ZYG11B: variants seen among roughly 807,000 people sequenced by gnomAD.
ZYG11B encodes zyg-11 family member B, cell cycle regulator.
Under a neutral mutation model 82.4 loss-of-function variants are expected in ZYG11B, and 36 were observed. The ratio of observed to expected loss-of-function variants is 0.44; its 90% CI spans 0.33 to 0.58. The LOEUF is 0.58. Ranked by LOEUF, ZYG11B falls within the 20% of genes least tolerant of loss-of-function variation. The pLI is 0.02. For missense variants in ZYG11B, 552 were observed against 895.6 expected (o/e 0.62, Z 4.90); for synonymous variants, 303 against 312.8 (o/e 0.97, Z 0.33).
chr1:52,785,120 G>C, intron 5 of ZYG11B, 67 bp downstream of exon 5: 1 of 1,510,776 alleles, frequency 6.6e-7, no homozygotes, highest in Non-Finnish European at 8.9e-7. Context: ...CTACAGTTCA[G>C]TTTAATAGAC....
intron 13 of ZYG11B, among the ~76,000 whole-genome samples, chr1:52,817,809 ATATATATTTTTTTTTTTTTTTTTTTTTTT>A (rs1645246621): frequency 1.0e-4 from 4 of 38,172 alleles, no homozygotes; most frequent in Admixed American, 4.0e-4. Context: ...ATATATATAT[ATATATATTTTTTTTTTTTTTTTTTTTTTT>A]TTTTTTTTTT....
intron 8 of ZYG11B, among the ~76,000 whole-genome samples, chr1:52,797,330 T>A (rs1201475109): frequency 1.2e-5 from 1 of 83,934 alleles, no homozygotes; most frequent in Non-Finnish European, 2.0e-5. Context: ...ATATATATAT[T>A]ATATATTTAT....
At chr1:52,749,606 A>G (rs1021227508) in intron 1 of ZYG11B, among the ~76,000 whole-genome samples, 1 of 151,824 alleles carries the variant, frequency 6.6e-6, no homozygotes, top group Non-Finnish European at 1.5e-5. Context: ...ATTTTTTTTT[A>G]TTTTTTATTT....
chr1:52,732,240 A>G (rs1394777429), intron 1 of ZYG11B, among the ~76,000 whole-genome samples: 3 of 152,236 alleles, frequency 2.0e-5, no homozygotes, highest in Non-Finnish European at 4.4e-5. Flanking sequence ...TTCCAAGCTT[A>G]TGCTTTTGAA....
intron 1 of ZYG11B, among the ~76,000 whole-genome samples, chr1:52,753,983 G>A (rs142363329): frequency 3.3e-5 from 5 of 150,950 alleles, no homozygotes; most frequent in South Asian, 2.1e-4. Context: ...TGTCTGCCTC[G>A]GCCTCCCAAG....
intron 1 of ZYG11B, among the ~76,000 whole-genome samples, chr1:52,730,759 C>G (rs577581203): frequency 1.1e-4 from 16 of 151,518 alleles, no homozygotes; most frequent in East Asian, 1.9e-4. Context: ...GTGGGAGGCT[C>G]ACTTGAGCCC....
In ZYG11B at chr1:52,826,481, G is replaced by A. The variant is rs544405351; in HGVS notation, c.*4852G>A. 2 of 152,180 alleles carry A rather than the reference G, an allele frequency of 1.3e-5. No individual in the cohort carries two copies. Among genetic ancestry groups the A allele is most frequent in the African/African-American group, 4.8e-5 (2 of 41,452 alleles). 9.4% of individuals were successfully genotyped at this position (152,180 alleles called of 1,614,324 possible). On this transcript the variant is annotated 3_prime_UTR_variant, in exon 14 of 14. Transcript: ENST00000294353. ...AGAATTTGCTCATCGTGCTTTAAATGATTAACTGTTTTACCTTATTTAGTA... is the reference window on the plus strand; with the variant it reads ...AGAATTTGCTCATCGTGCTTTAAATAATTAACTGTTTTACCTTATTTAGTA...
intron 1 of ZYG11B, among the ~76,000 whole-genome samples, chr1:52,742,687 AAAAAAT>A (rs1408767080): frequency 6.6e-6 from 1 of 151,758 alleles, no homozygotes; most frequent in Non-Finnish European, 1.5e-5. Context: ...CTAAAAATAC[AAAAAAT>A]TAGCCGGGCG....
chr1:52,800,113 TA>T lies in ZYG11B; in HGVS notation c.1486-1693del, dbSNP rs1160751586. Among the ~76,000 whole-genome samples the T allele has an allele frequency of 3.1e-3, 442 of 142,664 alleles. 3 individuals carry two copies. The highest frequency in any genetic ancestry group is 7.1e-3 in the African/African-American group (276 of 39,126). 93.6% of individuals were successfully genotyped at this position (142,664 alleles called of 152,430 possible). On this transcript the variant is annotated intron_variant, in intron 8 of 13. Transcript: ENST00000294353. ...CAACATAGCAAGATTCTGGCTCTAATAAAAAAAAAAAAATTAGCTGGGCTTG... is the reference window on the plus strand; with the variant it reads ...CAACATAGCAAGATTCTGGCTCTAATAAAAAAAAAAAATTAGCTGGGCTTG...
chr1:52,810,902 G>T (rs944491863), intron 10 of ZYG11B, among the ~76,000 whole-genome samples: 1 of 151,980 alleles, frequency 6.6e-6, no homozygotes, highest in African/African-American at 2.4e-5. Flanking sequence ...GGCCATGGTG[G>T]TGGCTGCCTG....
intron 1 of ZYG11B, among the ~76,000 whole-genome samples, chr1:52,749,240 A>G (rs1644501848): frequency 6.6e-6 from 1 of 152,086 alleles, no homozygotes; most frequent in Non-Finnish European, 1.5e-5. Flanking sequence ...AAAAAGAAAG[A>G]TGAGTGAGAT....
intron 3 of ZYG11B, among the ~76,000 whole-genome samples, chr1:52,776,229 A>AATATATATATATATATAT (rs1293809937): frequency 0.018 from 421 of 23,530 alleles, 62 homozygotes; most frequent in Middle Eastern, 0.067. Flanking sequence ...TAAAAAAAAA[A>AATATATATATATATATAT]ATATATATAT....
intron 6 of ZYG11B, among the ~76,000 whole-genome samples, chr1:52,792,736 T>TA (rs1644970137): frequency 6.6e-6 from 1 of 152,218 alleles, no homozygotes; most frequent in African/African-American, 2.4e-5. Flanking sequence ...AAAATTAACT[T>TA]TTATAAAGAA....
At chr1:52,755,496 C>G (rs1276307909) in intron 1 of ZYG11B, among the ~76,000 whole-genome samples, 1 of 151,870 alleles carries the variant, frequency 6.6e-6, no homozygotes, top group African/African-American at 2.4e-5. Flanking sequence ...TTAGGATAAG[C>G]TTGTCTTTTT....
rs564677459 is a variant in ZYG11B at position 52,779,015 on chromosome 1, G to A, written c.952-838G>A. ...ATAGCTCTGAAAGAGATGTTTCAGG[G>A]GACCTAACTTAAATCAGTGGCTCAA... is the stretch of plus-strand genomic sequence containing the variant. On this transcript the variant is annotated intron_variant, in intron 3 of 13. Coordinates refer to ENST00000294353, the MANE Select transcript of ZYG11B (RefSeq NM_024646.3). Among the ~76,000 whole-genome samples, 11 of 152,186 alleles carry A rather than the reference G, an allele frequency of 7.2e-5. No individual in the cohort carries two copies. The South Asian group carries it at 2.3e-3, about 32-fold the overall frequency.
chr1:52,744,993 A>G (rs1002817339), intron 1 of ZYG11B, among the ~76,000 whole-genome samples: 1 of 152,232 alleles, frequency 6.6e-6, no homozygotes, highest in Non-Finnish European at 1.5e-5. Flanking sequence ...ACTGTAAGGC[A>G]TTGCTACCAG....
intron 8 of ZYG11B, among the ~76,000 whole-genome samples, chr1:52,799,571 C>G (rs560492070): frequency 1.5e-4 from 22 of 150,932 alleles, no homozygotes; most frequent in African/African-American, 5.1e-4. Flanking sequence ...GGGCGGATCA[C>G]GAGGTCAGGA....
At chr1:52,803,101 TATATATATATATATATACACAC>T (rs1558139999) in intron 10 of ZYG11B, among the ~76,000 whole-genome samples, 18 of 83,528 alleles carry the variant, frequency 2.2e-4, no homozygotes, top group Admixed American at 1.7e-3. Flanking sequence ...TATATATACA[TATATATATATATATATACACAC>T]ATATATATAT....
chr1:52,738,985 C>CTTTTTTT (rs10643364), intron 1 of ZYG11B, among the ~76,000 whole-genome samples: 10,361 of 105,722 alleles, frequency 0.098, 1,962 homozygotes, highest in East Asian at 0.42. Flanking sequence ...GCCCTGTAAC[C>CTTTTTTT]TTTTTTTTTT....
Sources: allele counts gnomAD v4.1 joint callset (sites outside exome capture counted in the v4.1 genomes callset), GRCh38; gene constraint gnomAD v4.1.1; transcripts MANE v1.5; gene names NCBI Gene and HGNC (gene_info 2026-07-23, HGNC 2026-07-21).